HSD17B14: variants seen among roughly 807,000 people sequenced by gnomAD.
The protein encoded by HSD17B14 is L-fucose dehydrogenase.
HSD17B14 carries 32 observed loss-of-function variants against 32.2 expected under a neutral mutation model. The observed-to-expected ratio is 0.99, with a 90% CI of 0.75 to 1.33. The LOEUF (loss-of-function observed/expected upper bound fraction) is 1.33. Ranked by LOEUF, HSD17B14 falls within the 40% of genes most tolerant of loss-of-function variation. The pLI is 0.00. For missense variants in HSD17B14, 370 were observed against 366.5 expected (o/e 1.01, Z -0.08); for synonymous variants, 140 against 155.4 (o/e 0.90, Z 0.74).
intron 5 of HSD17B14, among the ~76,000 whole-genome samples, chr19:48,817,750 A>C (rs2098684): frequency 0.31 from 47,369 of 152,076 alleles, 7,483 homozygotes; most frequent in East Asian, 0.37. Flanking sequence ...TGGGTGAATT[A>C]ATGAATGAAT....
At chr19:48,834,484 G>GT in intron 2 of HSD17B14, 126 bp from the exon 3 acceptor site, 2 of 495,740 alleles carry the variant, frequency 4.0e-6, no homozygotes, top group Admixed American at 5.0e-5. Context: ...GAGGGAGGAG[G>GT]GGCTGAGGTC....
chr19:48,816,827 T>TTTCTTTCTTTC (rs2035064670), intron 5 of HSD17B14, among the ~76,000 whole-genome samples: 2 of 34,410 alleles, frequency 5.8e-5, no homozygotes, highest in Admixed American at 6.1e-4. Flanking sequence ...TTCTTTCTTT[T>TTTCTTTCTTTC]CTTTCTCTCT....
At chr19:48,832,008 G>A (rs1030637614) in intron 4 of HSD17B14, among the ~76,000 whole-genome samples, 2 of 150,584 alleles carry the variant, frequency 1.3e-5, no homozygotes, top group Admixed American at 6.6e-5. Context: ...AACCTGGGAG[G>A]TGCAGGTTGC....
At chr19:48,818,649 CCT>C (rs1274455974) in intron 5 of HSD17B14, among the ~76,000 whole-genome samples, 1 of 152,126 alleles carries the variant, frequency 6.6e-6, no homozygotes, top group East Asian at 1.9e-4. Context: ...TCCCACACTC[CCT>C]GAGTGTCCTT....
Position 48,813,324 on chromosome 19 carries a change from C to G in HSD17B14, c.664G>C (p.Ala222Pro), listed in dbSNP as rs1312848368. ...AACACTGCCGCAGCCCCGACCTCAG[C>G]GGGCTGGCCCATGCGGCCCAGTGGC... Reference protein sequence around the residue: ...AQPLGRMGQPAEVGAAAVFLA... With the variant: ...AQPLGRMGQPPEVGAAAVFLA... Residue 222 changes from alanine to proline, a missense_variant, in exon 9 of 9, where the codon GCT becomes CCT. Ala to Pro is a conservative substitution (Grantham distance 27). Transcript: ENST00000263278. The G allele has an allele frequency of 1.5e-5, 24 of 1,591,642 alleles. No homozygotes were observed. The highest frequency in any genetic ancestry group is 2.3e-5 in the East Asian group (1 of 43,804).
At chr19:48,826,514 A>G (rs967926759) in intron 5 of HSD17B14, among the ~76,000 whole-genome samples, 36 of 62,158 alleles carry the variant, frequency 5.8e-4, no homozygotes, top group African/African-American at 1.9e-3. Context: ...AAAAAAAGTA[A>G]AAGAAAAGAA....
chr19:48,818,302 CTG>C, intron 5 of HSD17B14, among the ~76,000 whole-genome samples: 1 of 132,306 alleles, frequency 7.6e-6, no homozygotes. Flanking sequence ...CAGATAAAGA[CTG>C]TCTCAAAAAA....
chr19:48,813,763 T>TCCCC, intron 6 of HSD17B14, 33 bp from the exon 7 acceptor site: 1 of 1,612,758 alleles, frequency 6.2e-7, no homozygotes, highest in Non-Finnish European at 8.5e-7. Context: ...GAAAGTTCAG[T>TCCCC]CCCCGGGACA....
intron 1 of HSD17B14, 49 bp downstream of exon 1, chr19:48,836,275 T>G: frequency 1.2e-4 from 141 of 1,182,132 alleles, no homozygotes; most frequent in Non-Finnish European, 1.6e-4. Context: ...CCCGCCCCCA[T>G]CCTTCCTTTC....
At chr19:48,821,732 A>T (rs1034434771) in intron 5 of HSD17B14, among the ~76,000 whole-genome samples, 3 of 150,082 alleles carry the variant, frequency 2.0e-5, no homozygotes, top group Non-Finnish European at 4.5e-5. Context: ...GGTGGTGATG[A>T]GGATGGTGAT....
chr19:48,831,542 G>A, intron 5 of HSD17B14, 126 bp downstream of exon 5: 1 of 753,884 alleles, frequency 1.3e-6, no homozygotes, highest in Non-Finnish European at 2.4e-6. Context: ...GACAGAGAGA[G>A]ACCCTGTCTC....
At chr19:48,824,828 C>T (rs1698112) in intron 5 of HSD17B14, among the ~76,000 whole-genome samples, 4,408 of 151,452 alleles carry the variant, frequency 0.029, 207 homozygotes, top group African/African-American at 0.099. Context: ...AGTTTCAGTA[C>T]ACATGAATTA....
At chr19:48,834,236 C>T (rs1346001568) in intron 3 of HSD17B14, 40 bp downstream of exon 3, 1 of 1,505,646 alleles carries the variant, frequency 6.6e-7, no homozygotes, top group East Asian at 2.3e-5. Context: ...AAGAACTGGT[C>T]ATTAGCGGAG....
At chr19:48,819,950 A>G (rs951513085) in intron 5 of HSD17B14, among the ~76,000 whole-genome samples, 1 of 151,142 alleles carries the variant, frequency 6.6e-6, no homozygotes, top group Non-Finnish European at 1.5e-5. Flanking sequence ...GGAGTTTGAG[A>G]CCAGTCTGGA....
intron 5 of HSD17B14, among the ~76,000 whole-genome samples, chr19:48,829,331 G>A (rs1368392867): frequency 6.6e-6 from 1 of 151,196 alleles, no homozygotes; most frequent in African/African-American, 2.4e-5. Flanking sequence ...TGGGATTACA[G>A]GAGCACCACC....
intron 5 of HSD17B14, among the ~76,000 whole-genome samples, chr19:48,822,587 G>A (rs2035177670): frequency 6.6e-6 from 1 of 151,674 alleles, no homozygotes; most frequent in Non-Finnish European, 1.5e-5. Flanking sequence ...CAGTGGTGAT[G>A]ATGATGAGGA....
intron 5 of HSD17B14, among the ~76,000 whole-genome samples, chr19:48,816,541 T>A (rs978654203): frequency 6.6e-6 from 1 of 152,102 alleles, no homozygotes; most frequent in African/African-American, 2.4e-5. Context: ...GACATGGTAT[T>A]TTCAGTCCAC....
intron 5 of HSD17B14, 136 bp downstream of exon 5, chr19:48,831,532 G>T: frequency 1.4e-6 from 1 of 712,352 alleles, no homozygotes; most frequent in Non-Finnish European, 2.6e-6. Context: ...CAGCCTGGGC[G>T]ACAGAGAGAG....
chr19:48,835,305 C>T (rs1444622703), intron 2 of HSD17B14, among the ~76,000 whole-genome samples: 2 of 85,900 alleles, frequency 2.3e-5, no homozygotes, highest in Non-Finnish European at 4.1e-5. Flanking sequence ...GGATGGGGGC[C>T]TGGACTCCTG....
Sources: allele counts gnomAD v4.1 joint callset (sites outside exome capture counted in the v4.1 genomes callset), GRCh38; gene constraint gnomAD v4.1.1; transcripts MANE v1.5; gene names NCBI Gene and HGNC (gene_info 2026-07-23, HGNC 2026-07-21).